The following CDAN1 variants were observed in gnomAD, a reference collection of about 807,000 sequenced individuals.
The protein encoded by CDAN1 is codanin 1.
A neutral mutation model predicts 139.8 loss-of-function variants in CDAN1; 107 were observed. The observed-to-expected ratio is 0.77, with a 90% CI of 0.65 to 0.90. The LOEUF is 0.90. Ranked by LOEUF, CDAN1 falls within the 40% of genes least tolerant of loss-of-function variation. The pLI is 0.00. For missense variants in CDAN1, 1,667 were observed against 1,575.7 expected, an observed-to-expected ratio of 1.06 and a Z score of -0.98; for synonymous variants, 776 against 660.6, an observed-to-expected ratio of 1.17 and a Z score of -2.68.
chr15:42,734,417 C>A, intron 6 of CDAN1, 71 bp from the exon 7 acceptor site: 2 of 1,592,152 alleles, frequency 1.3e-6, no homozygotes, highest in African/African-American at 1.4e-5. Flanking sequence ...CACCTGCACA[C>A]CACAGAGGAT....
Position 42,727,601 on chromosome 15 carries a change from G to A in CDAN1, c.3096+20C>T, listed in dbSNP as rs1443647091. The A allele has an allele frequency of 6.5e-7, 1 of 1,530,178 alleles. No homozygotes were observed. Among genetic ancestry groups the A allele is most frequent in the African/African-American group, 1.4e-5 (1 of 72,876 alleles). 94.8% of individuals were successfully genotyped at this position (1,530,178 alleles called of 1,614,324 possible). A position where few individuals can be genotyped will look rare whatever the true frequency, so the allele number is the denominator to read the frequency against. ...GGGGGTGGGAGCAGGGAAGCCAAAG[G>A]GAGTAGGGTAGCCGTGTACTTTTAT... On this transcript the variant is annotated intron_variant, in intron 23 of 27. Coordinates refer to ENST00000356231, the MANE Select transcript of CDAN1 (RefSeq NM_138477.4).
At chr15:42,729,700 A>G in intron 16 of CDAN1, 78 bp from the exon 17 acceptor site, 2 of 1,593,872 alleles carry the variant, frequency 1.3e-6, no homozygotes, top group Non-Finnish European at 1.7e-6. Flanking sequence ...CAGGGCCTTT[A>G]CAAGGGTTAC....
In CDAN1 at chr15:42,734,251, G is replaced by A. The variant is rs751250954; in HGVS notation, c.1232C>T (p.Ala411Val). 7 of 1,614,110 alleles carry A rather than the reference G, an allele frequency of 4.3e-6. No homozygotes were observed. The South Asian group carries it at 7.7e-5, about 18-fold the overall frequency. ...CTTGGCAACACTGCCCTCATAGGCA[G>A]CTCGAAGGCGGCCTTGCAGAGCTGG... The part of the protein sequence containing the change: ...FSPALQGRLR[A>V]AYEGSVAKVS... The change falls in exon 7 of 28, where the codon GCT (alanine) becomes GTT (valine). Residue 411 changes from alanine to valine, a missense_variant. Physicochemically the swap from Ala to Val is moderately conservative, Grantham distance 64. Coordinates refer to ENST00000356231, the MANE Select transcript of CDAN1 (RefSeq NM_138477.4).
intron 20 of CDAN1, 74 bp downstream of exon 20, chr15:42,728,578 G>T (rs2061563902): frequency 2.5e-6 from 4 of 1,579,816 alleles, no homozygotes; most frequent in Admixed American, 1.7e-5. Context: ...GGAAAAAAGA[G>T]TAAGTGTGAA....
intron 2 of CDAN1, 85 bp downstream of exon 2, chr15:42,736,217 G>A: frequency 6.3e-7 from 1 of 1,588,844 alleles, no homozygotes; most frequent in Non-Finnish European, 8.6e-7. Context: ...CCATCCTGGC[G>A]CTCCACTGCG....
In CDAN1 at chr15:42,729,304, G is replaced by GC; in HGVS notation, c.2465dup (p.Phe823LeufsTer181). 1.9e-6 allele frequency: 3 copies of GC among 1,613,888 alleles called. No homozygotes were observed. Among genetic ancestry groups the GC allele is most frequent in the Non-Finnish European group, 2.5e-6 (3 of 1,179,946 alleles). On this transcript the variant is annotated frameshift_variant, in exon 18 of 28. Transcript: ENST00000356231. LOFTEE classifies it high-confidence loss of function. ...TGGTGGGGGTGATTTTCCTCATGAA[G>GC]CCCCCACTCCGTCCACTACTGCCTG...
chr15:42,729,013 C>G lies in CDAN1; in HGVS notation c.2645+10G>C, dbSNP rs772428225. 1.2e-6 allele frequency: 2 copies of G among 1,613,024 alleles called. No individual in the cohort carries two copies. The highest frequency in any genetic ancestry group is 2.2e-5 in the South Asian group (2 of 91,054). On this transcript the variant is annotated intron_variant, in intron 19 of 27. Coordinates refer to ENST00000356231, the MANE Select transcript of CDAN1 (RefSeq NM_138477.4). ...GGGCGATGAGACCAGGATCCTTAAC[C>G]CACTCTTACTTGATATGTTTGACAC... is the stretch of plus-strand genomic sequence containing the variant.
Position 42,726,368 on chromosome 15 carries a change from G to GA in CDAN1, c.3145dup (p.Ser1049PhefsTer27), listed in dbSNP as rs769679860. The GA allele has an allele frequency of 8.1e-6, 13 of 1,598,834 alleles. No homozygotes were observed. The highest frequency in any genetic ancestry group is 1.0e-5 in the Non-Finnish European group (12 of 1,172,966). On this transcript the variant is annotated frameshift_variant, in exon 24 of 28. Coordinates refer to ENST00000356231, the MANE Select transcript of CDAN1 (RefSeq NM_138477.4). LOFTEE classifies it high-confidence loss of function. ...TAGGAGCTGTTCCAGATGCTCTGGGGAGACTCCCTCGTCAGGGTCCCGTGG... is the reference window on the plus strand; with the variant it reads ...TAGGAGCTGTTCCAGATGCTCTGGGGAAGACTCCCTCGTCAGGGTCCCGTGG...
At position 42,733,139 on chromosome 15, in the gene CDAN1, T is replaced by TC. The variant is rs1294209718; in HGVS notation, c.1414dup (p.Glu472GlyfsTer7). On this transcript the variant is annotated frameshift_variant, in exon 9 of 28. Coordinates refer to ENST00000356231, the MANE Select transcript of CDAN1 (RefSeq NM_138477.4). LOFTEE classifies it high-confidence loss of function. ...GCCCTTCTCAAAATCCCAGCCAGGC[T>TC]CCTCATGGTGATCTTCCCACTCTCG... is the stretch of plus-strand genomic sequence containing the variant. The TC allele has an allele frequency of 1.9e-6, 3 of 1,613,988 alleles. No homozygotes were observed. The African/African-American group carries it at 4.0e-5, about 22-fold the overall frequency.
intron 27 of CDAN1, 136 bp downstream of exon 27, chr15:42,725,008 G>A: frequency 4.0e-6 from 3 of 755,122 alleles, no homozygotes; most frequent in Admixed American, 4.0e-5. Context: ...TACTCAAATC[G>A]GGACAATTTC....
At chr15:42,731,943 TTAGA>T (rs1365167423) in intron 10 of CDAN1, 118 bp from the exon 11 acceptor site, 4 of 909,178 alleles carry the variant, frequency 4.4e-6, no homozygotes, top group African/African-American at 1.6e-5. Context: ...GTCAAGTGCT[TTAGA>T]TAGATTTTCT....
Position 42,728,272 on chromosome 15 carries a change from A to G in CDAN1, c.2805-5T>C. The G allele has an allele frequency of 6.2e-7, 1 of 1,613,870 alleles. No homozygotes were observed. On this transcript the variant is annotated splice_polypyrimidine_tract_variant and splice_region_variant and intron_variant, in intron 20 of 27. Transcript: ENST00000356231. ...GGGCTCTTCCTTTGACAGAACCTAA[A>G]AGGGGACAGATGGGGTCAGTGATCT... is the stretch of plus-strand genomic sequence containing the variant.
intron 25 of CDAN1, 102 bp from the exon 26 acceptor site, chr15:42,725,772 CAG>C (rs1279355597): frequency 8.0e-7 from 1 of 1,247,688 alleles, no homozygotes; most frequent in Non-Finnish European, 1.1e-6. Context: ...GTGGGCAGAT[CAG>C]GGGTTCGAGA....
In CDAN1 at chr15:42,726,366, G is replaced by A; in HGVS notation, c.3148C>T (p.Pro1050Ser). Residue 1050 changes from proline (P) to serine (S), a missense_variant, in exon 24 of 28, where the codon CCA becomes TCA. Coordinates refer to ENST00000356231, the MANE Select transcript of CDAN1 (RefSeq NM_138477.4). ...CCTAGGAGCTGTTCCAGATGCTCTGGGGAGACTCCCTCGTCAGGGTCCCGT... is the reference window on the plus strand; with the variant it reads ...CCTAGGAGCTGTTCCAGATGCTCTGAGGAGACTCCCTCGTCAGGGTCCCGT... The part of the protein sequence containing the change: ...GPRDPDEGVS[P>S]EHLEQLLGQL... 6.3e-7 allele frequency: 1 copy of A among 1,598,764 alleles called. No homozygotes were observed. Among genetic ancestry groups the A allele is most frequent in the Non-Finnish European group, 8.5e-7 (1 of 1,172,922 alleles).
intron 6 of CDAN1, among the ~76,000 whole-genome samples, chr15:42,734,779 CTT>C (rs11434933): frequency 2.9e-4 from 32 of 110,468 alleles, no homozygotes; most frequent in Non-Finnish European, 1.9e-4. Context: ...CACACCCGGC[CTT>C]TTTTTTTTTT....
At chr15:42,726,913 CATT>C (rs1229818684) in intron 23 of CDAN1, 1 of 178,942 alleles carries the variant, frequency 5.6e-6, no homozygotes, top group Non-Finnish European at 1.2e-5. Context: ...ATTTTTTAGT[CATT>C]GTACCTTATA....
At position 42,724,589 on chromosome 15, in the gene CDAN1, A is replaced by C; in HGVS notation, c.3586T>G (p.Ser1196Ala). The part of the protein sequence containing the change: ...GDFAEELATL[S>A]NLFLAEPHLP... ...TGGGGCTCGGCTAGAAACAGATTAG[A>C]CAGTGTTGCTAATTCTTCAGCAAAG... Residue 1196 changes from serine (S) to alanine (A), a missense_variant, in exon 28 of 28, where the codon TCT (serine) becomes GCT (alanine). Physicochemically the swap from Ser to Ala is moderately conservative, Grantham distance 99. This residue lies in a region of CDAN1 where 936 missense variants were observed against 844.1 expected (regional missense o/e 1.11). Transcript: ENST00000356231. The C allele has an allele frequency of 6.4e-7, 1 of 1,552,320 alleles. No individual in the cohort carries two copies. The highest frequency in any genetic ancestry group is 1.2e-5 in the South Asian group (1 of 84,090).
intron 8 of CDAN1, 91 bp from the exon 9 acceptor site, chr15:42,733,277 CCT>C: frequency 9.5e-7 from 1 of 1,053,384 alleles, no homozygotes; most frequent in Non-Finnish European, 1.5e-6. Context: ...CCACCCACCA[CCT>C]TTTTTTTTTT....
At position 42,730,954 on chromosome 15, in the gene CDAN1, G is replaced by A. The variant is rs567330629; in HGVS notation, c.1978C>T (p.Gln660Ter). 3 of 1,614,078 alleles carry A rather than the reference G, an allele frequency of 1.9e-6. No homozygotes were observed. The highest frequency in any genetic ancestry group is 2.5e-6 in the Non-Finnish European group (3 of 1,180,040). The change falls in exon 13 of 28, where the codon CAG (glutamine) becomes TAG (stop). Residue 660 changes from glutamine to a stop codon, truncating the protein, a stop_gained. Coordinates refer to ENST00000356231, the MANE Select transcript of CDAN1 (RefSeq NM_138477.4). LOFTEE classifies it high-confidence loss of function. Reference protein sequence around the residue: ...GPEPPPTGELQDSILALRSQV... With the variant: ...GPEPPPTGEL ...CTCCTGAGGGCCAGAATGGAGTCCT[G>A]AAGCTCACCGGTCGGGGGAGGTTCA...
Sources: allele counts gnomAD v4.1 joint callset (sites outside exome capture counted in the v4.1 genomes callset), GRCh38; gene constraint gnomAD v4.1.1; regional missense constraint gnomAD v4.1.1; transcripts MANE v1.5; gene names NCBI Gene and HGNC (gene_info 2026-07-23, HGNC 2026-07-21).